SORCS1: variants seen among roughly 807,000 people sequenced by gnomAD.
SORCS1 encodes the protein sortilin related VPS10 domain containing receptor 1.
In SORCS1, 60 loss-of-function variants were observed where a neutral mutation model predicts 146.1. That is an observed-to-expected ratio of 0.41 (90% confidence interval 0.33 to 0.51). The LOEUF (loss-of-function observed/expected upper bound fraction) is 0.51. Ranked by LOEUF, SORCS1 falls within the 20% of genes least tolerant of loss-of-function variation. SORCS1 has a pLI of 0.21. For missense variants in SORCS1, 1,352 were observed against 1,487.6 expected (o/e 0.91, Z 1.50); for synonymous variants, 637 against 584.0 (o/e 1.09, Z -1.31).
chr10:106,684,245 G>A (rs1410842849), intron 10 of SORCS1, among the ~76,000 whole-genome samples: 2 of 152,176 alleles, frequency 1.3e-5, no homozygotes, highest in Admixed American at 1.3e-4. Context: ...GGCCAAGGCA[G>A]GAGAATCACT....
At chr10:107,003,414 T>G (rs1022248388) in intron 1 of SORCS1, among the ~76,000 whole-genome samples, 4 of 147,326 alleles carry the variant, frequency 2.7e-5, no homozygotes, top group African/African-American at 1.0e-4. Context: ...ATAGAGAGAA[T>G]AATAAATTCC....
intron 1 of SORCS1, among the ~76,000 whole-genome samples, chr10:107,117,947 G>C (rs1326577563): frequency 1.3e-5 from 2 of 152,032 alleles, no homozygotes; most frequent in Non-Finnish European, 2.9e-5. Context: ...AGATATTTGT[G>C]GCTAATGGAA....
intron 1 of SORCS1, among the ~76,000 whole-genome samples, chr10:107,039,265 T>C (rs907987018): frequency 2.7e-5 from 4 of 150,492 alleles, no homozygotes; most frequent in African/African-American, 4.9e-5. Flanking sequence ...GAGGAGGAGT[T>C]TGCAGTGAGC....
intron 1 of SORCS1, among the ~76,000 whole-genome samples, chr10:107,056,967 T>C (rs1960701156): frequency 6.6e-6 from 1 of 152,266 alleles, no homozygotes. Flanking sequence ...GATGGCTTTC[T>C]TGTCACCGTG....
intron 2 of SORCS1, among the ~76,000 whole-genome samples, chr10:106,866,041 A>T (rs1950211687): frequency 6.6e-6 from 1 of 151,950 alleles, no homozygotes; most frequent in Non-Finnish European, 1.5e-5. Context: ...TCAAAAAAAA[A>T]AAAAAAAGTC....
intron 3 of SORCS1, among the ~76,000 whole-genome samples, chr10:106,792,112 A>G (rs1372757880): frequency 2.6e-5 from 4 of 152,156 alleles, no homozygotes. Flanking sequence ...CTTCATCTAC[A>G]TTTCTGGAAA....
At chr10:107,144,524 T>C (rs900106019) in intron 1 of SORCS1, among the ~76,000 whole-genome samples, 12 of 152,162 alleles carry the variant, frequency 7.9e-5, no homozygotes, top group African/African-American at 2.9e-4. Flanking sequence ...CACACAACTC[T>C]CACATCTCAT....
intron 1 of SORCS1, among the ~76,000 whole-genome samples, chr10:106,958,500 CT>C (rs909168138): frequency 6.6e-6 from 1 of 152,158 alleles, no homozygotes; most frequent in Admixed American, 6.6e-5. Context: ...ACATTCTTAA[CT>C]TTTTAATTTC....
intron 24 of SORCS1, among the ~76,000 whole-genome samples, chr10:106,593,529 C>T (rs2133289169): frequency 6.6e-6 from 1 of 152,314 alleles, no homozygotes; most frequent in East Asian, 1.9e-4. Context: ...TCCATCAGCC[C>T]ATGACATTAT....
chr10:106,603,894 G>C (rs910608496), intron 23 of SORCS1, among the ~76,000 whole-genome samples: 3 of 152,134 alleles, frequency 2.0e-5, no homozygotes, highest in African/African-American at 7.2e-5. Flanking sequence ...GGTTCAGGGA[G>C]GGTATAAAAC....
intron 1 of SORCS1, among the ~76,000 whole-genome samples, chr10:107,038,166 G>A (rs1336367605): frequency 2.0e-5 from 3 of 152,100 alleles, no homozygotes; most frequent in African/African-American, 7.2e-5. Context: ...TTACAGCCAA[G>A]TGTCACCAAA....
At chr10:106,646,942 T>G (rs1380647967) in intron 18 of SORCS1, among the ~76,000 whole-genome samples, 1 of 149,418 alleles carries the variant, frequency 6.7e-6, no homozygotes, top group Non-Finnish European at 1.5e-5. Flanking sequence ...GTTTCTTGAC[T>G]CTCCTTGTTC....
intron 3 of SORCS1, among the ~76,000 whole-genome samples, chr10:106,807,879 G>T (rs1169263494): frequency 2.0e-5 from 3 of 152,190 alleles, no homozygotes; most frequent in African/African-American, 7.2e-5. Context: ...CAATGTCAAT[G>T]CATTCTTTAC....
At chr10:106,690,327 C>T (rs1375655903) in intron 9 of SORCS1, among the ~76,000 whole-genome samples, 4 of 152,158 alleles carry the variant, frequency 2.6e-5, no homozygotes, top group Admixed American at 2.6e-4. Context: ...TATACCATTC[C>T]CAGAAATGAC....
At chr10:107,007,267 C>A (rs1423399085) in intron 1 of SORCS1, among the ~76,000 whole-genome samples, 1 of 152,216 alleles carries the variant, frequency 6.6e-6, no homozygotes, top group African/African-American at 2.4e-5. Context: ...GGTGCAGGAT[C>A]TTGTTTTGAC....
chr10:107,098,274 T>G (rs1964670988), intron 1 of SORCS1, among the ~76,000 whole-genome samples: 1 of 152,202 alleles, frequency 6.6e-6, no homozygotes, highest in African/African-American at 2.4e-5. Context: ...TGAATCCAAC[T>G]TAGCTCCTGA....
At chr10:106,679,387 G>T (rs1366344590) in intron 11 of SORCS1, 55 bp from the exon 12 acceptor site, 12 of 1,401,828 alleles carry the variant, frequency 8.6e-6, no homozygotes, top group Non-Finnish European at 1.1e-5. Context: ...AGCAACAATG[G>T]ACTATATTGG....
rs1047155188 is a variant in SORCS1 at position 106,904,883 on chromosome 10, A to G, written c.626+51630T>C. ...AATTAAACACATCTTAAATAAAAAC[A>G]ATGTTAGAAATCAAAAATGCCCTAC... is the stretch of plus-strand genomic sequence containing the variant. On this transcript the variant is annotated intron_variant, in intron 2 of 25. Transcript: ENST00000263054. 1.5e-4 allele frequency among the ~76,000 whole-genome samples: 23 copies of G among 152,204 alleles called. 1 individual carries two copies. The highest frequency in any genetic ancestry group is 3.2e-4 in the Non-Finnish European group (22 of 68,032).
In SORCS1 at chr10:106,806,502, A is replaced by AG. The variant is rs1481178263; in HGVS notation, c.726+23071dup. ...CTACAGCCCTTCTGATGAGAGAGGA[A>AG]GCCTTTTTTTTTTTTTTTTTTTTTT... On this transcript the variant is annotated intron_variant, in intron 3 of 25. Transcript: ENST00000263054. Among the ~76,000 whole-genome samples the AG allele has an allele frequency of 3.0e-4, 38 of 127,948 alleles. 7 individuals carry two copies. Among genetic ancestry groups the AG allele is most frequent in the African/African-American group, 1.1e-3 (36 of 32,706 alleles). The allele number at this position is 127,948 out of a possible 152,430, so 83.9% of individuals were successfully genotyped here.
Sources: gnomAD v4.1 joint callset for allele counts (sites outside exome capture counted in the v4.1 genomes callset) on GRCh38, gnomAD v4.1.1 for gene constraint, MANE v1.5 for transcripts, NCBI Gene and HGNC (gene_info 2026-07-23, HGNC 2026-07-21) for gene names.